The following NCALD variants were observed in gnomAD, a reference collection of about 807,000 sequenced individuals.
The protein encoded by NCALD is neurocalcin delta, also known as neurocalcin-delta.
In NCALD, 10 loss-of-function variants were observed where a neutral mutation model predicts 18.6. The ratio of observed to expected loss-of-function variants is 0.54; its 90% confidence interval spans 0.33 to 0.91. NCALD has a LOEUF of 0.91. NCALD is among the 40% of genes least tolerant of loss of function. The probability of loss-of-function intolerance (pLI) is 0.03; values close to 1 mark genes in which losing one functional copy is unlikely to be tolerated. For missense variants in NCALD, 184 were observed against 247.6 expected (o/e 0.74, Z 1.72); for synonymous variants, 88 against 87.4 (o/e 1.01, Z -0.04).
chr8:102,077,298 TC>T (rs1824378620), intron 1 of NCALD, among the ~76,000 whole-genome samples: 1 of 152,136 alleles, frequency 6.6e-6, no homozygotes, highest in Non-Finnish European at 1.5e-5. Context: ...ATCCTATGGT[TC>T]CTCCACAGGG....
chr8:102,004,159 C>T (rs1260908564), intron 2 of NCALD, among the ~76,000 whole-genome samples: 3 of 151,784 alleles, frequency 2.0e-5, no homozygotes, highest in Non-Finnish European at 4.4e-5. Context: ...TCTCCTTAAG[C>T]TGATAAGCAA....
intron 1 of NCALD, among the ~76,000 whole-genome samples, chr8:102,021,511 G>A (rs756932424): frequency 2.6e-5 from 4 of 152,114 alleles, no homozygotes; most frequent in Non-Finnish European, 5.9e-5. Context: ...AAATATAAAG[G>A]TATAAGTGAA....
intron 1 of NCALD, among the ~76,000 whole-genome samples, chr8:102,032,622 T>TAA (rs59283854): frequency 0.11 from 11,807 of 104,880 alleles, 785 homozygotes; most frequent in East Asian, 0.15. Flanking sequence ...GAAAAACTGC[T>TAA]AAAAAAAAAA....
intron 3 of NCALD, chr8:101,690,280 C>T: frequency 1.0e-6 from 1 of 985,384 alleles, no homozygotes; most frequent in Non-Finnish European, 1.2e-6. Flanking sequence ...TCCTCTTTGT[C>T]TACCCCGCCC....
intron 4 of NCALD, among the ~76,000 whole-genome samples, chr8:101,838,713 T>C (rs1182138697): frequency 6.6e-6 from 1 of 152,240 alleles, no homozygotes; most frequent in Non-Finnish European, 1.5e-5. Context: ...GGAAGGTCAC[T>C]GGGTGGACTC....
At chr8:101,969,116 C>T (rs187972686) in intron 2 of NCALD, among the ~76,000 whole-genome samples, 21 of 152,322 alleles carry the variant, frequency 1.4e-4, no homozygotes, top group South Asian at 4.1e-4. Context: ...GAGCCGAGCA[C>T]ACCACCTGTC....
At chr8:101,889,230 A>T (rs1816785433) in intron 3 of NCALD, among the ~76,000 whole-genome samples, 1 of 152,356 alleles carries the variant, frequency 6.6e-6, no homozygotes, top group Non-Finnish European at 1.5e-5. Context: ...ACGAAGCCTA[A>T]GCTGAAAGAA....
intron 2 of NCALD, among the ~76,000 whole-genome samples, chr8:101,993,837 T>C (rs879570611): frequency 2.0e-5 from 3 of 152,346 alleles, no homozygotes; most frequent in Admixed American, 2.0e-4. Context: ...CGTGCTAAAC[T>C]CCTTGGAGTC....
At chr8:101,858,352 G>A (rs1295394958) in intron 4 of NCALD, among the ~76,000 whole-genome samples, 1 of 152,132 alleles carries the variant, frequency 6.6e-6, no homozygotes, top group African/African-American at 2.4e-5. Flanking sequence ...GGAACTAGAG[G>A]CACCAGATAC....
intron 1 of NCALD, among the ~76,000 whole-genome samples, chr8:102,107,771 AG>A (rs1172838422): frequency 2.0e-5 from 3 of 152,206 alleles, no homozygotes; most frequent in Non-Finnish European, 4.4e-5. Flanking sequence ...ATTCCTGAGA[AG>A]TCACATAGTT....
At chr8:101,922,926 T>TTC (rs1294859779) in intron 2 of NCALD, among the ~76,000 whole-genome samples, 1 of 152,062 alleles carries the variant, frequency 6.6e-6, no homozygotes, top group African/African-American at 2.4e-5. Flanking sequence ...TGGTCTCTAT[T>TTC]TCTCTCTCTC....
chr8:101,808,238 GC>G (rs1373955505), intron 4 of NCALD, among the ~76,000 whole-genome samples: 6 of 152,106 alleles, frequency 3.9e-5, no homozygotes, highest in Non-Finnish European at 7.4e-5. Flanking sequence ...AGCACCTGCT[GC>G]TTGAATACTT....
At chr8:102,038,943 C>T (rs528187687) in intron 1 of NCALD, among the ~76,000 whole-genome samples, 47 of 152,286 alleles carry the variant, frequency 3.1e-4, no homozygotes, top group African/African-American at 1.1e-3. Flanking sequence ...AGAAAGCAAA[C>T]ATCTGTGTTG....
chr8:101,824,546 A>C (rs1472235637), intron 4 of NCALD, among the ~76,000 whole-genome samples: 2 of 152,086 alleles, frequency 1.3e-5, no homozygotes, highest in Non-Finnish European at 2.9e-5. Flanking sequence ...TAAATTTACA[A>C]ATCTCCTTGG....
At chr8:102,089,469 T>G (rs1351423917) in intron 1 of NCALD, among the ~76,000 whole-genome samples, 1 of 152,072 alleles carries the variant, frequency 6.6e-6, no homozygotes, top group East Asian at 1.9e-4. Flanking sequence ...TAGATCTTCT[T>G]CTGTCTGTAT....
At chr8:101,784,624 C>T (rs1034611059) in intron 1 of NCALD, among the ~76,000 whole-genome samples, 3 of 151,926 alleles carry the variant, frequency 2.0e-5, no homozygotes, top group African/African-American at 2.4e-5. Context: ...TAGTGAGACC[C>T]CAAGTCTATA....
chr8:101,997,386 TC>T (rs1821276857), intron 2 of NCALD, among the ~76,000 whole-genome samples: 1 of 152,122 alleles, frequency 6.6e-6, no homozygotes, highest in South Asian at 2.1e-4. Flanking sequence ...ATTTTTTTTT[TC>T]CTGGAACCTT....
In NCALD at chr8:101,719,594, G is replaced by C. The variant is rs1167399875; in HGVS notation, c.36C>G (p.Val12=). Residue 12 remains valine, a synonymous_variant, in exon 2 of 4, where the codon GTC becomes GTG. Coordinates refer to ENST00000220931, the MANE Select transcript of NCALD (RefSeq NM_032041.3). ...GKQNSKLRPE[V]MQDLLESTDF... is the part of the protein sequence containing the mutation. ...CTGTGCTTTCCAGCAAGTCCTGCATGACCTCCGGGCGCAGCTTGCTGTTCT... is the reference window on the plus strand; with the variant it reads ...CTGTGCTTTCCAGCAAGTCCTGCATCACCTCCGGGCGCAGCTTGCTGTTCT... 1.9e-6 allele frequency: 3 copies of C among 1,607,012 alleles called. No individual in the cohort carries two copies. In the South Asian group the frequency reaches 3.4e-5, roughly 18 times the overall value.
chr8:101,801,813 C>T (rs936730436), intron 4 of NCALD, among the ~76,000 whole-genome samples: 1 of 151,552 alleles, frequency 6.6e-6, no homozygotes. Context: ...ACTACAGGTG[C>T]CCGCCACCAT....
Sources: allele counts gnomAD v4.1 joint callset (sites outside exome capture counted in the v4.1 genomes callset), GRCh38; gene constraint gnomAD v4.1.1; transcripts MANE v1.5; gene names NCBI Gene and HGNC (gene_info 2026-07-23, HGNC 2026-07-21).